CDK18: variants seen among roughly 807,000 people sequenced by gnomAD.
CDK18 encodes the protein cyclin-dependent kinase 18.
Under a neutral mutation model 62.0 loss-of-function variants are expected in CDK18, and 52 were observed. The observed-to-expected ratio is 0.84, with a 90% CI of 0.67 to 1.06. The LOEUF (loss-of-function observed/expected upper bound fraction) is 1.06, where lower values mean the gene tolerates loss of function less well. CDK18 is among the 50% of genes least tolerant of loss of function. The pLI is 0.00. For synonymous variants in CDK18, 237 were observed against 247.0 expected (o/e 0.96, Z 0.38); for missense variants, 604 against 619.9 (o/e 0.97, Z 0.27).
intron 1 of CDK18, among the ~76,000 whole-genome samples, chr1:205,508,239 C>T (rs1012744454): frequency 2.6e-5 from 4 of 152,246 alleles, no homozygotes; most frequent in African/African-American, 4.8e-5. Context: ...CACCTTTGCC[C>T]TCCAGGCATT....
chr1:205,526,526 A>AGT, intron 7 of CDK18, 65 bp downstream of exon 7: 1 of 1,330,816 alleles, frequency 7.5e-7, no homozygotes, highest in South Asian at 1.2e-5. Context: ...TGGGTAGGGG[A>AGT]GTGGGAAGCT....
intron 5 of CDK18, 66 bp from the exon 6 acceptor site, chr1:205,525,999 G>A: frequency 8.7e-7 from 1 of 1,142,986 alleles, no homozygotes; most frequent in Non-Finnish European, 1.3e-6. Flanking sequence ...GCACAAATGG[G>A]GAGGCACTGG....
Position 205,523,201 on chromosome 1 carries a change from C to T in CDK18, c.34C>T (p.Arg12Cys), listed in dbSNP as rs778375126. Residue 12 changes from arginine (R) to cysteine (C), a missense_variant, in exon 2 of 16, where the codon CGT becomes TGT. Physicochemically the swap from Arg to Cys is radical, Grantham distance 180. Transcript: ENST00000429964. ...GAACAAGATGAAGAACTTTAAGCGC[C>T]GTTTCTCCCTGTCAGTGCCCCGCAC... ...IMNKMKNFKR[R>C]FSLSVPRTET... 24 of 1,613,510 alleles carry T rather than the reference C, an allele frequency of 1.5e-5. No homozygotes were observed. The highest frequency in any genetic ancestry group is 4.4e-5 in the South Asian group (4 of 91,034).
chr1:205,531,227 C>A, intron 15 of CDK18, 117 bp from the exon 16 acceptor site: 2 of 881,468 alleles, frequency 2.3e-6, no homozygotes, highest in Non-Finnish European at 3.7e-6. Context: ...CTCCTGTTTG[C>A]ATGCCCTTGC....
At position 205,526,480 on chromosome 1, in the gene CDK18, C is replaced by T; in HGVS notation, c.666+19C>T. On this transcript the variant is annotated intron_variant, in intron 7 of 15. Transcript: ENST00000429964. ...GTACCTGGTGAGAGTCCGGCTGGGG[C>T]TGGCCGCCTCTCCCTCTTGTGGTGG... 6.3e-7 allele frequency: 1 copy of T among 1,575,766 alleles called. No homozygotes were observed.
chr1:205,530,960 C>G (rs1234809842), intron 15 of CDK18, among the ~76,000 whole-genome samples: 2 of 152,266 alleles, frequency 1.3e-5, no homozygotes, highest in Admixed American at 6.5e-5. Flanking sequence ...GGTGCATTCT[C>G]TCTGCAAACC....
intron 13 of CDK18, chr1:205,529,948 C>T (rs1232788317): frequency 2.1e-5 from 29 of 1,379,278 alleles, no homozygotes; most frequent in East Asian, 1.7e-4. Flanking sequence ...ATCGGCACTA[C>T]GCTTCCTGTT....
At position 205,528,322 on chromosome 1, in the gene CDK18, T is replaced by C. The variant is rs1668546935; in HGVS notation, c.974+154T>C. Among the ~76,000 whole-genome samples, 1 of 152,058 alleles carries C rather than the reference T, an allele frequency of 6.6e-6. No homozygotes were observed. The highest frequency in any genetic ancestry group is 1.5e-5 in the Non-Finnish European group (1 of 68,006). On this transcript the variant is annotated intron_variant, in intron 10 of 15. Coordinates refer to ENST00000429964, the MANE Select transcript of CDK18 (RefSeq NM_212502.3). The surrounding 1 kb of genome is among the most constrained non-coding windows in gnomAD (Gnocchi z 4.2). ...CCTGCTGAAATGGATGTTAAAAAAT[T>C]AGGTCTGAAATATAATAGGTTAGGG... is the stretch of plus-strand genomic sequence containing the variant.
In CDK18 at chr1:205,529,042, C is replaced by T. The variant is rs1279981283; in HGVS notation, c.1018C>T (p.Leu340Phe). ...CTACGAGATGGCCACAGGGAGGCCC[C>T]TCTTCCCGGGCTCCACAGTCAAGGA... ...IHYEMATGRP[L>F]FPGSTVKEEL... Residue 340 changes from leucine to phenylalanine, a missense_variant, in exon 11 of 16, where the codon CTC becomes TTC. Physicochemically the swap from Leu to Phe is conservative, Grantham distance 22. Transcript: ENST00000429964. The T allele has an allele frequency of 6.3e-7, 1 of 1,597,324 alleles. No individual in the cohort carries two copies. The highest frequency in any genetic ancestry group is 8.5e-7 in the Non-Finnish European group (1 of 1,172,586).
chr1:205,511,349 G>A (rs1403309392), intron 1 of CDK18, among the ~76,000 whole-genome samples: 1 of 152,242 alleles, frequency 6.6e-6, no homozygotes, highest in Non-Finnish European at 1.5e-5. Context: ...TGGCGACAGA[G>A]ACGATGGCCC....
In CDK18 at chr1:205,517,252, C is replaced by A. The variant is rs1422950984; in HGVS notation, c.-21-5895C>A. Among the ~76,000 whole-genome samples the A allele has an allele frequency of 1.3e-5, 2 of 152,194 alleles. No homozygotes were observed. The highest frequency in any genetic ancestry group is 2.9e-5 in the Non-Finnish European group (2 of 68,024). Reference sequence around the variant, plus strand: ...CCTGCAGTTGTCTAAGTAGGGGGGACCCTGCCTCCCTGGCCCTTCTCCCCC... The same window carrying A: ...CCTGCAGTTGTCTAAGTAGGGGGGAACCTGCCTCCCTGGCCCTTCTCCCCC... On this transcript the variant is annotated intron_variant, in intron 1 of 15. Coordinates refer to ENST00000429964, the MANE Select transcript of CDK18 (RefSeq NM_212502.3). This position sits in a 1 kb window ranked among gnomAD's most constrained non-coding sequence, Gnocchi z 4.1.
chr1:205,530,617 C>T lies in CDK18; in HGVS notation c.1313-11C>T, dbSNP rs769358875. ...GCAGCCCTCTCCAGACTATGCACTTCTCTCCCCCAGCTGCCTCCATCTTCT... is the reference window on the plus strand; with the variant it reads ...GCAGCCCTCTCCAGACTATGCACTTTTCTCCCCCAGCTGCCTCCATCTTCT... On this transcript the variant is annotated splice_polypyrimidine_tract_variant and intron_variant, in intron 14 of 15. Transcript: ENST00000429964. The T allele has an allele frequency of 6.2e-6, 10 of 1,613,546 alleles. No individual in the cohort carries two copies. Among genetic ancestry groups the T allele is most frequent in the African/African-American group, 1.3e-5 (1 of 74,924 alleles).
In CDK18 at chr1:205,532,045, C is replaced by T. The variant is rs6674683; in HGVS notation, c.*667C>T. ...ACCATGGCTGAGCAGTGCCGGCATA[C>T]GCTTTGCTGGCATGCTTGGATGCCC... On this transcript the variant is annotated 3_prime_UTR_variant, in exon 16 of 16. Coordinates refer to ENST00000429964, the MANE Select transcript of CDK18 (RefSeq NM_212502.3). 13,532 of 153,000 alleles carry T rather than the reference C, an allele frequency of 0.088. 1,189 individuals carry two copies. The highest frequency in any genetic ancestry group is 0.23 in the African/African-American group (9,417 of 41,482). 9.5% of individuals were successfully genotyped at this position (153,000 alleles called of 1,614,324 possible).
chr1:205,512,130 A>G (rs1337670773), intron 1 of CDK18, among the ~76,000 whole-genome samples: 1 of 152,204 alleles, frequency 6.6e-6, no homozygotes, highest in Non-Finnish European at 1.5e-5. Context: ...GCACCCAAGC[A>G]TCTGGAGCTG....
rs1244799010 is a variant in CDK18, at chr1:205,517,232, A to G, written c.-21-5915A>G. ...CGGGCCCCACCCTGCGTGGCCCTGC[A>G]GTTGTCTAAGTAGGGGGGACCCTGC... On this transcript the variant is annotated intron_variant, in intron 1 of 15. Transcript: ENST00000429964. The surrounding 1 kb of genome is among the most constrained non-coding windows in gnomAD (Gnocchi z 4.1). 6.6e-6 allele frequency among the ~76,000 whole-genome samples: 1 copy of G among 152,150 alleles called. No individual in the cohort carries two copies.
At chr1:205,530,233 C>CT in intron 13 of CDK18, 26 bp from the exon 14 acceptor site, 1 of 1,609,500 alleles carries the variant, frequency 6.2e-7, no homozygotes, top group Non-Finnish European at 8.5e-7. Flanking sequence ...CAGCCGGGCC[C>CT]AATAGCCCCA....
At chr1:205,522,901 C>T (rs182032593) in intron 1 of CDK18, 57 of 477,704 alleles carry the variant, frequency 1.2e-4, no homozygotes, top group Admixed American at 6.1e-4. Context: ...CAGGGCGTGG[C>T]GGGGCGGGCG....
At chr1:205,526,021 C>A in intron 5 of CDK18, 44 bp from the exon 6 acceptor site, 1 of 1,434,074 alleles carries the variant, frequency 7.0e-7, no homozygotes, top group Non-Finnish European at 9.7e-7. Flanking sequence ...CAGAGGCCAG[C>A]AGCACCTGAA....
At chr1:205,523,684 A>G (rs765308702) in intron 3 of CDK18, 59 bp downstream of exon 3, 5 of 1,511,892 alleles carry the variant, frequency 3.3e-6, no homozygotes, top group Non-Finnish European at 4.4e-6. Context: ...AAGGGTGTGC[A>G]CAGGAGGGCA....
Sources: allele counts gnomAD v4.1 joint callset (sites outside exome capture counted in the v4.1 genomes callset), GRCh38; gene constraint gnomAD v4.1.1; non-coding constraint Gnocchi (gnomAD v3.1); transcripts MANE v1.5; gene names NCBI Gene and HGNC (gene_info 2026-07-23, HGNC 2026-07-21).